Variants in WWOX observed in about 807,000 individuals in gnomAD.
The protein encoded by WWOX is WW domain-containing oxidoreductase.
Under a neutral mutation model 46.2 loss-of-function variants are expected in WWOX, and 69 were observed. The ratio of observed to expected loss-of-function variants is 1.49; its 90% CI spans 1.23 to 1.82. WWOX has a LOEUF of 1.82. WWOX is among the 40% of genes most tolerant of loss of function. The pLI is 0.00. For missense variants in WWOX, 919 were observed against 542.6 expected (o/e 1.69, Z -6.89); for synonymous variants, 359 against 202.6 (o/e 1.77, Z -6.56).
chr16:78,580,570 G>A (rs1384748040), intron 8 of WWOX, among the ~76,000 whole-genome samples: 1 of 152,156 alleles, frequency 6.6e-6, no homozygotes, highest in African/African-American at 2.4e-5. Flanking sequence ...GACACAGAAA[G>A]GATTTCTTTA....
intron 8 of WWOX, among the ~76,000 whole-genome samples, chr16:78,630,282 G>T (rs545907870): frequency 6.6e-6 from 1 of 152,082 alleles, no homozygotes. Flanking sequence ...GCAGACTGTC[G>T]CAAGCTTGGC....
intron 8 of WWOX, among the ~76,000 whole-genome samples, chr16:78,836,255 C>T (rs966997049): frequency 3.9e-5 from 6 of 151,992 alleles, no homozygotes; most frequent in Admixed American, 2.6e-4. Flanking sequence ...AGGGACGGCT[C>T]CTTGGCAAGT....
In WWOX at chr16:78,830,841, A is replaced by G. The variant is rs547964364; in HGVS notation, c.1057-380767A>G. Among the ~76,000 whole-genome samples, 35 of 152,116 alleles carry G rather than the reference A, an allele frequency of 2.3e-4. No individual in the cohort carries two copies. The East Asian group carries it at 6.4e-3, about 28-fold the overall frequency. On this transcript the variant is annotated intron_variant, in intron 8 of 8. Transcript: ENST00000566780. ...GTAAATGACTATTTCTGTCGTTTGC[A>G]GAGTGTCCTTTTCTTTCTCCTACAG...
chr16:78,883,784 A>T (rs980754612), intron 8 of WWOX, among the ~76,000 whole-genome samples: 2 of 152,102 alleles, frequency 1.3e-5, no homozygotes, highest in Non-Finnish European at 2.9e-5. Flanking sequence ...TGAGATGTTG[A>T]CATTAGGGGA....
rs1447221456 is a variant in WWOX, at chr16:78,348,593, G to T, written c.517-38267G>T. 2.5e-5 allele frequency among the ~76,000 whole-genome samples: 3 copies of T among 120,216 alleles called. 1 individual carries two copies. The highest frequency in any genetic ancestry group is 5.6e-5 in the African/African-American group (2 of 35,456). The allele number at this position is 120,216 out of a possible 152,430, so 78.9% of individuals were successfully genotyped here. A position where few individuals can be genotyped will look rare whatever the true frequency, so the allele number is the denominator to read the frequency against. On this transcript the variant is annotated intron_variant, in intron 5 of 8. Coordinates refer to ENST00000566780, the MANE Select transcript of WWOX (RefSeq NM_016373.4). Reference sequence around the variant, plus strand: ...CTGCCTCAGCCCCACCAGTAGCTGGGACTAGAGGCACATGCCACTACACCC... The same window carrying T: ...CTGCCTCAGCCCCACCAGTAGCTGGTACTAGAGGCACATGCCACTACACCC...
chr16:78,894,567 C>A (rs184161022), intron 8 of WWOX, among the ~76,000 whole-genome samples: 1 of 152,164 alleles, frequency 6.6e-6, no homozygotes, highest in African/African-American at 2.4e-5. Flanking sequence ...TAATTTTCAA[C>A]TGGAGATGGT....
chr16:78,727,006 T>C (rs912359028), intron 8 of WWOX, among the ~76,000 whole-genome samples: 18 of 152,172 alleles, frequency 1.2e-4, no homozygotes, highest in Admixed American at 9.8e-4. Context: ...AGAGCAGCCC[T>C]CTACATCTTC....
chr16:79,045,561 C>T (rs530510026), intron 8 of WWOX, among the ~76,000 whole-genome samples: 5 of 152,192 alleles, frequency 3.3e-5, no homozygotes, highest in African/African-American at 7.2e-5. Context: ...CAATAGAACA[C>T]GGAGGCAGAA....
intron 8 of WWOX, among the ~76,000 whole-genome samples, chr16:78,992,232 G>A (rs1319091162): frequency 6.6e-6 from 1 of 152,058 alleles, no homozygotes; most frequent in African/African-American, 2.4e-5. Context: ...GTGGACCTTT[G>A]GTCACCCCTT....
intron 4 of WWOX, among the ~76,000 whole-genome samples, chr16:78,161,074 T>C (rs2034776602): frequency 6.6e-6 from 1 of 152,206 alleles, no homozygotes; most frequent in Non-Finnish European, 1.5e-5. Flanking sequence ...CTTTTTTTTC[T>C]GAAATTAGTA....
chr16:78,537,943 C>G (rs1037252141), intron 8 of WWOX, among the ~76,000 whole-genome samples: 5 of 152,094 alleles, frequency 3.3e-5, no homozygotes, highest in African/African-American at 1.2e-4. Context: ...CCCGGCCTAT[C>G]TCTCAGGAGG....
intron 5 of WWOX, among the ~76,000 whole-genome samples, chr16:78,215,915 C>CAA (rs775006510): frequency 2.8e-4 from 36 of 127,150 alleles, no homozygotes; most frequent in African/African-American, 9.3e-4. Flanking sequence ...GATTCCATCT[C>CAA]AAAAAAAAAA....
chr16:79,154,965 C>T (rs2050352365), intron 8 of WWOX, among the ~76,000 whole-genome samples: 1 of 152,158 alleles, frequency 6.6e-6, no homozygotes, highest in Non-Finnish European at 1.5e-5. Flanking sequence ...CAAGTATTTT[C>T]AGTGGAATTA....
At chr16:78,103,002 C>T (rs1469786531) in intron 1 of WWOX, among the ~76,000 whole-genome samples, 1 of 151,458 alleles carries the variant, frequency 6.6e-6, no homozygotes, top group East Asian at 1.9e-4. Context: ...CACTCAGCCC[C>T]AGAGGTGCTT....
intron 8 of WWOX, among the ~76,000 whole-genome samples, chr16:78,933,751 C>G (rs974013375): frequency 1.3e-5 from 2 of 151,836 alleles, no homozygotes; most frequent in Non-Finnish European, 1.5e-5. Flanking sequence ...GAGACTTATT[C>G]ACTATCACGA....
chr16:79,013,453 C>A (rs1368671893), intron 8 of WWOX, among the ~76,000 whole-genome samples: 2 of 152,204 alleles, frequency 1.3e-5, no homozygotes, highest in Admixed American at 1.3e-4. Context: ...CTTTGTTTCT[C>A]TTTTTCTGTG....
chr16:79,056,239 G>C (rs1039288381), intron 8 of WWOX, among the ~76,000 whole-genome samples: 2 of 149,370 alleles, frequency 1.3e-5, no homozygotes, highest in African/African-American at 4.9e-5. Flanking sequence ...AAAAAATTCA[G>C]CATTTCTTTT....
chr16:78,596,345 C>G (rs935613919), intron 8 of WWOX, among the ~76,000 whole-genome samples: 13 of 152,134 alleles, frequency 8.5e-5, no homozygotes, highest in African/African-American at 2.9e-4. Flanking sequence ...CTGTCAAGGT[C>G]TTGGCCCTTC....
At chr16:78,708,253 T>A (rs192415987) in intron 8 of WWOX, among the ~76,000 whole-genome samples, 135 of 152,328 alleles carry the variant, frequency 8.9e-4, no homozygotes, top group Non-Finnish European at 1.6e-3. Context: ...AAATAACATA[T>A]TTTTTAAAAA....
Sources: allele counts gnomAD v4.1 joint callset (sites outside exome capture counted in the v4.1 genomes callset), GRCh38; gene constraint gnomAD v4.1.1; transcripts MANE v1.5; gene names NCBI Gene and HGNC (gene_info 2026-07-23, HGNC 2026-07-21).